The following NBPF26 variants were observed in gnomAD, a reference collection of about 807,000 sequenced individuals.
NBPF26 encodes the protein NBPF family member NBPF26.
Under a neutral mutation model 119.6 loss-of-function variants are expected in NBPF26, and 79 were observed. That is an observed-to-expected ratio of 0.66 (90% CI 0.55 to 0.80). The LOEUF is 0.80. Ranked by LOEUF, NBPF26 falls within the 30% of genes least tolerant of loss-of-function variation. The probability of loss-of-function intolerance (pLI) is 0.00; values close to 1 mark genes in which losing one functional copy is unlikely to be tolerated. For synonymous variants in NBPF26, 299 were observed against 457.7 expected, an observed-to-expected ratio of 0.65 and a Z score of 4.43; for missense variants, 800 against 1,198.2, an observed-to-expected ratio of 0.67 and a Z score of 4.91.
intron 4 of NBPF26, among the ~76,000 whole-genome samples, chr1:120,805,185 AC>A (rs1553269532): frequency 0.084 from 10,558 of 125,696 alleles, 3,477 homozygotes; most frequent in African/African-American, 0.29. Flanking sequence ...ATTGGTGGTG[AC>A]CCTCAGGTGA....
Position 120,791,596 on chromosome 1 carries a change from A to G in NBPF26, c.416-1565A>G, listed in dbSNP as rs1318543413. On this transcript the variant is annotated intron_variant, in intron 3 of 29. Coordinates refer to ENST00000620612, the Ensembl canonical transcript of NBPF26. Reference sequence around the variant, plus strand: ...CTCACTCATAGGTGGGAATTGAACAATGAGAACACTTGGACACAGGAAGGG... The same window carrying G: ...CTCACTCATAGGTGGGAATTGAACAGTGAGAACACTTGGACACAGGAAGGG... 5.7e-5 allele frequency among the ~76,000 whole-genome samples: 3 copies of G among 52,634 alleles called. 1 individual carries two copies. Among genetic ancestry groups the G allele is most frequent in the Non-Finnish European group, 9.7e-5 (3 of 30,940 alleles). The allele number at this position is 52,634 out of a possible 152,430, so 34.5% of individuals were successfully genotyped here. A position where few individuals can be genotyped will look rare whatever the true frequency, so the allele number is the denominator to read the frequency against.
At chr1:120,810,181 C>T (rs1651824022) in intron 8 of NBPF26, among the ~76,000 whole-genome samples, 166 bp from the exon 9 acceptor site, 1 of 119,856 alleles carries the variant, frequency 8.3e-6, no homozygotes, top group Admixed American at 7.9e-5. Context: ...CAGCCATGCT[C>T]TGTTGCAGAG....
chr1:120,791,496 A>G (rs1651493572), intron 3 of NBPF26, among the ~76,000 whole-genome samples: 1 of 88,144 alleles, frequency 1.1e-5, no homozygotes, highest in African/African-American at 8.6e-5. Context: ...TGTCCTTTGT[A>G]GGGACATGGA....
intron 2 of NBPF26, among the ~76,000 whole-genome samples, chr1:120,764,960 C>T (rs1432150474): frequency 2.3e-5 from 2 of 85,506 alleles, no homozygotes; most frequent in Non-Finnish European, 4.3e-5. Flanking sequence ...TCTGTTCTGA[C>T]ACCAGGATTT....
At chr1:120,830,197 C>CCT (rs1327491560) in intron 19 of NBPF26, among the ~76,000 whole-genome samples, 1,433 of 115,864 alleles carry the variant, frequency 0.012, 51 homozygotes, top group East Asian at 0.026. Context: ...CTCACTTTCT[C>CCT]CTCTCTCTCT....
chr1:120,823,776 G>C (rs1198392465), intron 17 of NBPF26, among the ~76,000 whole-genome samples, 198 bp from the exon 18 acceptor site: 2 of 113,594 alleles, frequency 1.8e-5, no homozygotes, highest in Admixed American at 1.7e-4. Context: ...GTGTGTGTGT[G>C]TGTGTGTGTG....
intron 23 of NBPF26, 84 bp from the exon 28 acceptor site, chr1:120,833,519 C>G (rs1652412036): frequency 1.9e-6 from 1 of 518,510 alleles, no homozygotes; most frequent in Non-Finnish European, 3.3e-6. Flanking sequence ...CAAACTCTTC[C>G]TTACGTTAGC....
At chr1:120,789,576 C>A (rs1651460785) in intron 3 of NBPF26, among the ~76,000 whole-genome samples, 1 of 96,840 alleles carries the variant, frequency 1.0e-5, no homozygotes, top group East Asian at 2.5e-4. Context: ...AGACTGGCCC[C>A]CATGATACAG....
chr1:120,840,276 C>A, intron 29 of NBPF26, 74 bp from the exon 36 acceptor site: 2 of 1,441,636 alleles, frequency 1.4e-6, no homozygotes, highest in Non-Finnish European at 1.9e-6. Flanking sequence ...CCTTATGTTA[C>A]TTCTGAAATC....
At position 120,823,226 on chromosome 1, in the gene NBPF26, G is replaced by C. The variant is rs1300376772; in HGVS notation, c.2588-83G>C. ...TCACACTGACAAGACTGATGTCCCT[G>C]TGTTAGGATTGGACAGAGGAATGTT... On this transcript the variant is annotated intron_variant, in intron 16 of 29. Coordinates refer to ENST00000620612, the Ensembl canonical transcript of NBPF26. 1.4e-5 allele frequency: 10 copies of C among 727,536 alleles called. 2 individuals carry two copies. Among genetic ancestry groups the C allele is most frequent in the Non-Finnish European group, 2.3e-5 (10 of 432,650 alleles). The allele number at this position is 727,536 out of a possible 1,614,324, so 45.1% of individuals were successfully genotyped here. A position where few individuals can be genotyped will look rare whatever the true frequency, so the allele number is the denominator to read the frequency against.
intron 4 of NBPF26, among the ~76,000 whole-genome samples, chr1:120,801,427 G>C (rs1162514248): frequency 2.8e-5 from 3 of 107,202 alleles, no homozygotes; most frequent in Non-Finnish European, 5.4e-5. Context: ...CTTAAAAATG[G>C]TGATTTTTGT....
exon 2 of NBPF26, chr1:120,763,694 G>C: frequency 2.2e-6 from 3 of 1,385,756 alleles, no homozygotes; most frequent in Non-Finnish European, 2.9e-6. Context: ...TACCACAGTG[G>C]CACAGGATAC....
chr1:120,812,050 C>T lies in NBPF26; in HGVS notation c.1729C>T (p.Leu577=). Residue 577 remains leucine (L), a synonymous_variant, in exon 10 of 30, where the codon CTA becomes TTA. Coordinates refer to ENST00000620612, the Ensembl canonical transcript of NBPF26. ...CAGAAACCTCAAAGAGAAATGTTTT[C>T]TAACTCAACTGGCCGGCTTCCTGGC... 1.8e-6 allele frequency: 2 copies of T among 1,111,124 alleles called. 1 individual carries two copies. The highest frequency in any genetic ancestry group is 2.5e-6 in the Non-Finnish European group (2 of 786,936). 68.8% of individuals were successfully genotyped at this position (1,111,124 alleles called of 1,614,324 possible). A position where few individuals can be genotyped will look rare whatever the true frequency, so the allele number is the denominator to read the frequency against.
rs1553273540 is a variant in NBPF26 at position 120,840,521 on chromosome 1, C to A, written c.4275C>A (p.Asp1425Glu). The A allele has an allele frequency of 1.6e-5, 23 of 1,474,016 alleles. 4 individuals are homozygous for A. Among genetic ancestry groups the A allele is most frequent in the African/African-American group, 3.8e-5 (2 of 51,976 alleles). The allele number at this position is 1,474,016 out of a possible 1,614,324, so 91.3% of individuals were successfully genotyped here. Residue 1425 changes from aspartate to glutamate, a missense_variant, in exon 30 of 30, where the codon GAC becomes GAA. This residue lies in a region of NBPF26 where 155 missense variants were observed against 95.9 expected (regional missense o/e 1.62). Coordinates refer to ENST00000620612, the Ensembl canonical transcript of NBPF26. ...ATATCAGCTTCGCCCTTTACGTGGA[C>A]AATAGGTTTTTTACTTTGACGGTGA...
chr1:120,820,447 A>AATATATAT (rs1229895629), intron 15 of NBPF26, among the ~76,000 whole-genome samples: 115 of 10,822 alleles, frequency 0.011, 3 homozygotes, highest in African/African-American at 0.018. Context: ...AAGTATTAAA[A>AATATATAT]ATATATATAT....
Position 120,823,285 on chromosome 1 carries a change from G to A in NBPF26, c.2588-24G>A, listed in dbSNP as rs1553272221. On this transcript the variant is annotated intron_variant, in intron 16 of 29. Coordinates refer to ENST00000620612, the Ensembl canonical transcript of NBPF26. ...CAAGGAAGAACTGCTTAATGTAAGAGGGCCCATCTGAATTTATTTGCAGGA... is the reference window on the plus strand; with the variant it reads ...CAAGGAAGAACTGCTTAATGTAAGAAGGCCCATCTGAATTTATTTGCAGGA... The A allele has an allele frequency of 9.1e-5, 112 of 1,234,438 alleles. 23 individuals carry two copies. The South Asian group carries it at 1.3e-3, about 15-fold the overall frequency. The allele number at this position is 1,234,438 out of a possible 1,614,324, so 76.5% of individuals were successfully genotyped here. A position where few individuals can be genotyped will look rare whatever the true frequency, so the allele number is the denominator to read the frequency against.
At position 120,818,788 on chromosome 1, in the gene NBPF26, C is replaced by T. The variant is rs1185013751; in HGVS notation, c.2423+614C>T. Among the ~76,000 whole-genome samples, 201 of 119,548 alleles carry T rather than the reference C, an allele frequency of 1.7e-3. 52 individuals carry two copies. The highest frequency in any genetic ancestry group is 7.1e-3 in the African/African-American group (176 of 24,678). The allele number at this position is 119,548 out of a possible 152,430, so 78.4% of individuals were successfully genotyped here. A position where few individuals can be genotyped will look rare whatever the true frequency, so the allele number is the denominator to read the frequency against. ...GTTGTTCAGTTTCCATGTAGTTGTG[C>T]GGTTTTGAGTGAGTTTCTTAATCCT... is the stretch of plus-strand genomic sequence containing the variant. On this transcript the variant is annotated intron_variant, in intron 15 of 29. Coordinates refer to ENST00000620612, the Ensembl canonical transcript of NBPF26.
rs1553273582 is a variant in NBPF26 at position 120,840,587 on chromosome 1, A to C, written c.4341A>C (p.Pro1447=). 5 of 1,463,306 alleles carry C rather than the reference A, an allele frequency of 3.4e-6. 1 individual carries two copies. The Admixed American group carries it at 9.2e-5, about 27-fold the overall frequency. 90.6% of individuals were successfully genotyped at this position (1,463,306 alleles called of 1,614,324 possible). The change falls in exon 30 of 30, where the codon CCA becomes CCC. Residue 1447 remains proline, a synonymous_variant. Transcript: ENST00000620612. ...TGTTCCAGATGGGAGTCATATTCCC[A>C]CAATAAGCAGCCCTTACTAAGCCGA...
chr1:120,840,808 G>A (rs1386196728), downstream of NBPF26: 2 of 576,124 alleles, frequency 3.5e-6, no homozygotes, highest in Admixed American at 3.4e-5. Context: ...ACATAACTGT[G>A]CAGCACATGC....
Sources: allele counts gnomAD v4.1 joint callset (sites outside exome capture counted in the v4.1 genomes callset), GRCh38; gene constraint gnomAD v4.1.1; regional missense constraint gnomAD v4.1.1; transcripts MANE v1.5; gene names NCBI Gene and HGNC (gene_info 2026-07-23, HGNC 2026-07-21).